PCDH15: variants seen among roughly 807,000 people sequenced by gnomAD.
PCDH15 encodes protocadherin related 15, also known as protocadherin-15.
In PCDH15, 129 loss-of-function variants were observed where a neutral mutation model predicts 178.5. The ratio of observed to expected loss-of-function variants is 0.72; its 90% CI spans 0.63 to 0.84. The LOEUF is 0.84. Among genes scored for constraint, PCDH15 ranks in the 40% least tolerant of loss-of-function variants. The probability of loss-of-function intolerance (pLI) is 0.00; values close to 1 mark genes in which losing one functional copy is unlikely to be tolerated. For synonymous variants in PCDH15, 800 were observed against 732.0 expected, an observed-to-expected ratio of 1.09 and a Z score of -1.50; for missense variants, 2,230 against 2,099.9, an observed-to-expected ratio of 1.06 and a Z score of -1.21.
chr10:55,106,639 C>T (rs1272205194), intron 2 of PCDH15, among the ~76,000 whole-genome samples: 1 of 152,120 alleles, frequency 6.6e-6, no homozygotes, highest in Non-Finnish European at 1.5e-5. Flanking sequence ...TGGTCTCGAA[C>T]TCCTGACCTC....
chr10:54,390,582 A>G (rs1412673220), intron 3 of PCDH15, among the ~76,000 whole-genome samples: 3 of 152,192 alleles, frequency 2.0e-5, no homozygotes, highest in Non-Finnish European at 4.4e-5. Flanking sequence ...GGCGTGAGCC[A>G]CCGTGCCCAG....
chr10:54,779,525 T>TAC (rs1276505160), intron 1 of PCDH15, among the ~76,000 whole-genome samples: 2 of 130,644 alleles, frequency 1.5e-5, no homozygotes, highest in East Asian at 2.3e-4. Context: ...TATATATATA[T>TAC]ACACACACAT....
At chr10:54,869,465 G>T (rs1366364071) in intron 3 of PCDH15, among the ~76,000 whole-genome samples, 1 of 152,114 alleles carries the variant, frequency 6.6e-6, no homozygotes, top group African/African-American at 2.4e-5. Flanking sequence ...AGTATTGTGA[G>T]TCATTATATA....
intron 2 of PCDH15, among the ~76,000 whole-genome samples, chr10:55,424,656 T>C (rs1838707993): frequency 6.6e-6 from 1 of 152,138 alleles, no homozygotes; most frequent in Non-Finnish European, 1.5e-5. Context: ...TGGGTTGTAC[T>C]AGTATTTATG....
At chr10:54,724,034 C>G (rs190639235) in intron 1 of PCDH15, among the ~76,000 whole-genome samples, 3 of 150,206 alleles carry the variant, frequency 2.0e-5, no homozygotes, top group Non-Finnish European at 4.5e-5. Flanking sequence ...AATCTCATCC[C>G]TGAGTATCTA....
chr10:54,462,680 ATTTTTTTTTT>A (rs767750465), intron 3 of PCDH15, among the ~76,000 whole-genome samples: 62 of 56,238 alleles, frequency 1.1e-3, no homozygotes, highest in African/African-American at 3.7e-3. Flanking sequence ...CACCTGCTTA[ATTTTTTTTTT>A]TTTTTTTTTT....
At chr10:54,205,268 G>A (rs1002516611) in intron 10 of PCDH15, among the ~76,000 whole-genome samples, 1 of 152,016 alleles carries the variant, frequency 6.6e-6, no homozygotes, top group Non-Finnish European at 1.5e-5. Flanking sequence ...GAGCAGCTGA[G>A]GCCAACTCTG....
Position 54,601,840 on chromosome 10 carries a change from A to G in PCDH15, c.91+62332T>C, listed in dbSNP as rs576625258. Among the ~76,000 whole-genome samples the G allele has an allele frequency of 3.9e-5, 6 of 152,142 alleles. No homozygotes were observed. In the South Asian group the frequency reaches 1.2e-3, roughly 31 times the overall value. ...CCTTTGCGGTAACATGGATGGAGCAAGAGACCATTATTCTATGCAAACTAA... is the reference window on the plus strand; with the variant it reads ...CCTTTGCGGTAACATGGATGGAGCAGGAGACCATTATTCTATGCAAACTAA... On this transcript the variant is annotated intron_variant, in intron 2 of 37. Coordinates refer to ENST00000644397, the MANE Select transcript of PCDH15 (RefSeq NM_001384140.1).
intron 2 of PCDH15, among the ~76,000 whole-genome samples, chr10:55,490,551 G>T (rs1280970374): frequency 1.3e-5 from 2 of 151,774 alleles, no homozygotes; most frequent in African/African-American, 4.8e-5. Context: ...GACCTCAGAA[G>T]AGCCACATAT....
intron 3 of PCDH15, among the ~76,000 whole-genome samples, chr10:54,383,947 T>C (rs144449278): frequency 0.017 from 2,526 of 151,212 alleles, 70 homozygotes; most frequent in African/African-American, 0.056. Context: ...GCCTCCATAA[T>C]AGCTGGGATT....
chr10:54,179,582 A>C (rs560057282), intron 13 of PCDH15, among the ~76,000 whole-genome samples: 2 of 152,150 alleles, frequency 1.3e-5, no homozygotes. Context: ...TAATAAAATA[A>C]AATTTAAAAA....
At chr10:53,909,695 G>A (rs887126283) in intron 25 of PCDH15, among the ~76,000 whole-genome samples, 22 of 152,254 alleles carry the variant, frequency 1.4e-4, no homozygotes, top group African/African-American at 4.8e-4. Context: ...GCCAAAGCAC[G>A]GTGGGACATC....
chr10:54,798,666 A>T (rs539774783), intron 1 of PCDH15, among the ~76,000 whole-genome samples: 1 of 152,102 alleles, frequency 6.6e-6, no homozygotes, highest in Non-Finnish European at 1.5e-5. Flanking sequence ...GATAATAAAT[A>T]TGATCATTTT....
intron 3 of PCDH15, among the ~76,000 whole-genome samples, chr10:54,817,587 A>C (rs1445498447): frequency 6.6e-6 from 1 of 152,060 alleles, no homozygotes; most frequent in Admixed American, 6.6e-5. Flanking sequence ...TCTATTAGTA[A>C]AATTGTAAGT....
At chr10:54,344,972 A>G in intron 6 of PCDH15, among the ~76,000 whole-genome samples, 1 of 144,494 alleles carries the variant, frequency 6.9e-6, no homozygotes, top group Middle Eastern at 3.6e-3. Flanking sequence ...AAATGTATAT[A>G]TATATATTAT....
intron 2 of PCDH15, among the ~76,000 whole-genome samples, chr10:54,584,352 T>A (rs1352451863): frequency 6.6e-6 from 1 of 152,106 alleles, no homozygotes; most frequent in Non-Finnish European, 1.5e-5. Flanking sequence ...CAGTGAGCTA[T>A]AATCATGCCA....
chr10:55,456,617 C>T (rs1839560143), intron 2 of PCDH15, among the ~76,000 whole-genome samples: 1 of 151,948 alleles, frequency 6.6e-6, no homozygotes, highest in African/African-American at 2.4e-5. Flanking sequence ...CAATCTATAA[C>T]ACTAATTATG....
chr10:54,765,936 C>A (rs1948455361), intron 1 of PCDH15, among the ~76,000 whole-genome samples: 1 of 152,092 alleles, frequency 6.6e-6, no homozygotes, highest in South Asian at 2.1e-4. Flanking sequence ...ACATTCTGAT[C>A]TTTAATGTTA....
chr10:54,493,144 GA>G (rs2079766654), intron 3 of PCDH15, among the ~76,000 whole-genome samples: 1 of 152,132 alleles, frequency 6.6e-6, no homozygotes. Context: ...TTCAAGATGA[GA>G]TTTAGGTGGG....
Sources: gnomAD v4.1 joint callset for allele counts (sites outside exome capture counted in the v4.1 genomes callset) on GRCh38, gnomAD v4.1.1 for gene constraint, MANE v1.5 for transcripts, NCBI Gene and HGNC (gene_info 2026-07-23, HGNC 2026-07-21) for gene names.